BMF: variants seen among roughly 807,000 people sequenced by gnomAD.
The protein encoded by BMF is Bcl2 modifying factor.
Under a neutral mutation model 22.0 loss-of-function variants are expected in BMF, and 10 were observed. That is an observed-to-expected ratio of 0.45 (90% confidence interval 0.28 to 0.77). BMF has a LOEUF of 0.77. Among genes scored for constraint, BMF ranks in the 30% least tolerant of loss-of-function variants. The probability of loss-of-function intolerance (pLI) is 0.13; values close to 1 mark genes in which losing one functional copy is unlikely to be tolerated. For synonymous variants in BMF, 87 were observed against 88.1 expected (o/e 0.99, Z 0.07); for missense variants, 206 against 226.8 (o/e 0.91, Z 0.59).
chr15:40,099,150 T>C (rs1243929596), intron 4 of BMF, among the ~76,000 whole-genome samples: 3 of 152,202 alleles, frequency 2.0e-5, no homozygotes, highest in African/African-American at 4.8e-5. Flanking sequence ...GGCTGTCCCA[T>C]CTAGACGCTG....
rs778283404 is a variant in BMF at position 40,091,870 on chromosome 15, G to A, written c.472C>T (p.Arg158Cys). ...HVQQHQQNQN[R>C]VWWQILLFLH... ...AAGAGGAGGATCTGCCACCACACAC[G>A]ATTTTGGTTCTGCTGGTGCTGAAGG... The change falls in exon 5 of 5, where the codon CGT becomes TGT. Residue 158 changes from arginine to cysteine, a missense_variant. Physicochemically the swap from Arg to Cys is radical, Grantham distance 180. Coordinates refer to ENST00000354670, the MANE Select transcript of BMF (RefSeq NM_001003940.2). 1 of 1,608,198 alleles carries A rather than the reference G, an allele frequency of 6.2e-7. No individual in the cohort carries two copies. The highest frequency in any genetic ancestry group is 8.5e-7 in the Non-Finnish European group (1 of 1,177,714).
At chr15:40,100,866 G>A (rs1030499872) in intron 4 of BMF, among the ~76,000 whole-genome samples, 3 of 152,164 alleles carry the variant, frequency 2.0e-5, no homozygotes, top group Admixed American at 1.3e-4. Flanking sequence ...GCAAAAAAAC[G>A]AGTAACTCAG....
At chr15:40,091,962 TA>T in intron 4 of BMF, 74 bp from the exon 5 acceptor site, 2 of 1,173,786 alleles carry the variant, frequency 1.7e-6, no homozygotes, top group South Asian at 2.6e-5. Context: ...TCATTTCCAG[TA>T]AAAGTTCAGA....
chr15:40,092,738 T>A (rs779636736), intron 4 of BMF, among the ~76,000 whole-genome samples: 2 of 152,082 alleles, frequency 1.3e-5, no homozygotes, highest in Non-Finnish European at 2.9e-5. Context: ...CTCACCAGAT[T>A]GGGGCTGGTG....
chr15:40,092,852 G>A (rs952943225), intron 4 of BMF, among the ~76,000 whole-genome samples: 1 of 152,050 alleles, frequency 6.6e-6, no homozygotes, highest in Non-Finnish European at 1.5e-5. Flanking sequence ...GCCAGGGCAG[G>A]AGGACTGGGC....
In BMF at chr15:40,108,832, C is replaced by T. The variant is rs961206494; in HGVS notation, c.-193G>A. 1 of 153,420 alleles carries T rather than the reference C, an allele frequency of 6.5e-6. No homozygotes were observed. The highest frequency in any genetic ancestry group is 2.4e-5 in the African/African-American group (1 of 41,426). The allele number at this position is 153,420 out of a possible 1,614,324, so 9.5% of individuals were successfully genotyped here. On this transcript the variant is annotated 5_prime_UTR_variant, in exon 1 of 5. Transcript: ENST00000354670. ...GGCGGCGGCGGCGGCGGGCACAGGCCGGGGCGGGAGGAGGCCACTCCGCAC... is the reference window on the plus strand; with the variant it reads ...GGCGGCGGCGGCGGCGGGCACAGGCTGGGGCGGGAGGAGGCCACTCCGCAC...
intron 1 of BMF, 155 bp downstream of exon 1, chr15:40,108,618 C>T (rs1319533481): frequency 6.6e-6 from 1 of 152,546 alleles, no homozygotes; most frequent in East Asian, 1.9e-4. Flanking sequence ...CACCCCGTTC[C>T]CTCACCCCAG....
Position 40,088,105 on chromosome 15 carries a change from C to T in BMF, c.*3682G>A, listed in dbSNP as rs1189528543. 6.6e-6 allele frequency: 1 copy of T among 152,644 alleles called. No individual in the cohort carries two copies. The highest frequency in any genetic ancestry group is 1.5e-5 in the Non-Finnish European group (1 of 68,048). 9.5% of individuals were successfully genotyped at this position (152,644 alleles called of 1,614,324 possible). On this transcript the variant is annotated 3_prime_UTR_variant, in exon 5 of 5. Coordinates refer to ENST00000354670, the MANE Select transcript of BMF (RefSeq NM_001003940.2). Reference sequence around the variant, plus strand: ...CTGGGGATGAACAAAATGCTACATTCTCACTGGGTCTCCTCGATAGCCCCT... The same window carrying T: ...CTGGGGATGAACAAAATGCTACATTTTCACTGGGTCTCCTCGATAGCCCCT...
intron 4 of BMF, among the ~76,000 whole-genome samples, chr15:40,102,603 C>A (rs1202737986): frequency 6.6e-6 from 1 of 152,026 alleles, no homozygotes; most frequent in Non-Finnish European, 1.5e-5. Context: ...TGGGGAATAA[C>A]TGGTGAAAGA....
chr15:40,094,855 C>G (rs938442446), intron 4 of BMF, among the ~76,000 whole-genome samples: 3 of 152,236 alleles, frequency 2.0e-5, no homozygotes, highest in African/African-American at 7.2e-5. Flanking sequence ...TCATGATCCT[C>G]CAGGCTAGAA....
chr15:40,092,692 G>A (rs984716408), intron 4 of BMF, among the ~76,000 whole-genome samples: 1 of 152,176 alleles, frequency 6.6e-6, no homozygotes, highest in South Asian at 2.1e-4. Context: ...CTACTGTCAG[G>A]CTGGGAAGCT....
intron 4 of BMF, among the ~76,000 whole-genome samples, chr15:40,092,095 G>GT (rs2036246217): frequency 6.6e-6 from 1 of 152,156 alleles, no homozygotes; most frequent in Non-Finnish European, 1.5e-5. Flanking sequence ...AACAATTGCA[G>GT]TTTTAACATT....
intron 4 of BMF, among the ~76,000 whole-genome samples, chr15:40,092,960 C>A (rs915123862): frequency 2.0e-5 from 3 of 152,204 alleles, no homozygotes; most frequent in Admixed American, 6.5e-5. Flanking sequence ...TTCAGTGGCC[C>A]CGTCAGCAAG....
rs529899734 is a variant in BMF at position 40,100,242 on chromosome 15, G to A, written c.453+3938C>T. 1.4e-3 allele frequency among the ~76,000 whole-genome samples: 206 copies of A among 152,302 alleles called. 2 individuals carry two copies. Among genetic ancestry groups the A allele is most frequent in the African/African-American group, 4.6e-3 (190 of 41,568 alleles). On this transcript the variant is annotated intron_variant, in intron 4 of 4. Coordinates refer to ENST00000354670, the MANE Select transcript of BMF (RefSeq NM_001003940.2). ...GCCCCTCCTTAGGCTCGTGCTGAAT[G>A]AGGCCATGGCACAAGGACAGGAAAG...
chr15:40,093,448 T>G (rs966438268), intron 4 of BMF, among the ~76,000 whole-genome samples: 1 of 152,098 alleles, frequency 6.6e-6, no homozygotes, highest in African/African-American at 2.4e-5. Context: ...TCGTGTTTTG[T>G]AAACAAAGAT....
chr15:40,098,934 G>C (rs1431373173), intron 4 of BMF, among the ~76,000 whole-genome samples: 1 of 152,216 alleles, frequency 6.6e-6, no homozygotes, highest in African/African-American at 2.4e-5. Flanking sequence ...AATATAGCGA[G>C]CGATATAAAC....
intron 4 of BMF, among the ~76,000 whole-genome samples, chr15:40,097,202 AG>A: frequency 6.6e-6 from 1 of 150,750 alleles, no homozygotes; most frequent in African/African-American, 2.4e-5. Flanking sequence ...CACCCAACTG[AG>A]CTACCAAGCA....
chr15:40,092,245 G>C (rs1248548310), intron 4 of BMF, among the ~76,000 whole-genome samples: 1 of 152,172 alleles, frequency 6.6e-6, no homozygotes, highest in Non-Finnish European at 1.5e-5. Context: ...TCAGCTGCAT[G>C]AACAACAAAC....
In BMF at chr15:40,088,079, C is replaced by G. The variant is rs1024405954; in HGVS notation, c.*3708G>C. On this transcript the variant is annotated 3_prime_UTR_variant, in exon 5 of 5. Transcript: ENST00000354670. ...AGTGCCCAGACCCCAGGGCAGCTAC[C>G]CTGGGGATGAACAAAATGCTACATT... The G allele has an allele frequency of 4.6e-5, 7 of 152,574 alleles. No individual in the cohort carries two copies. The highest frequency in any genetic ancestry group is 7.4e-5 in the Non-Finnish European group (5 of 68,022). The allele number at this position is 152,574 out of a possible 1,614,324, so 9.5% of individuals were successfully genotyped here.
Sources: allele counts gnomAD v4.1 joint callset (sites outside exome capture counted in the v4.1 genomes callset), GRCh38; gene constraint gnomAD v4.1.1; transcripts MANE v1.5; gene names NCBI Gene and HGNC (gene_info 2026-07-23, HGNC 2026-07-21).